GLS: variants seen among roughly 807,000 people sequenced by gnomAD.
GLS encodes the protein glutaminase kidney isoform, mitochondrial.
Under a neutral mutation model 86.7 loss-of-function variants are expected in GLS, and 36 were observed. The observed-to-expected ratio is 0.42, with a 90% CI of 0.32 to 0.55. The LOEUF (loss-of-function observed/expected upper bound fraction) is 0.55. GLS is among the 20% of genes least tolerant of loss of function. GLS has a pLI of 0.17. For synonymous variants in GLS, 317 were observed against 305.9 expected (o/e 1.04, Z -0.38); for missense variants, 528 against 833.4 (o/e 0.63, Z 4.51).
chr2:190,900,535 T>C (rs1200801162), intron 3 of GLS, 29 bp from the exon 4 acceptor site: 3 of 1,408,332 alleles, frequency 2.1e-6, no homozygotes, highest in Non-Finnish European at 2.9e-6. Flanking sequence ...ATGTACCCAG[T>C]TTATTAATTA....
chr2:190,905,225 C>T lies in GLS; in HGVS notation c.979+58C>T. The T allele has an allele frequency of 9.4e-7, 1 of 1,064,574 alleles. No homozygotes were observed. Among genetic ancestry groups the T allele is most frequent in the Non-Finnish European group, 1.4e-6 (1 of 722,608 alleles). 65.9% of individuals were successfully genotyped at this position (1,064,574 alleles called of 1,614,324 possible). ...AAATGTCTCATTTTCCTATGTAAAT[C>T]TAAGTCGTTTTAAACATTTTTTGAT... On this transcript the variant is annotated intron_variant, in intron 6 of 17. Coordinates refer to ENST00000320717, the MANE Select transcript of GLS (RefSeq NM_014905.5). This position sits in a 1 kb window ranked among gnomAD's most constrained non-coding sequence, Gnocchi z 4.6.
Position 190,963,227 on chromosome 2 carries a change from A to AAAG in GLS, c.*244_*246dup. The AAAG allele has an allele frequency of 3.0e-6, 1 of 337,730 alleles. No individual in the cohort carries two copies. The highest frequency in any genetic ancestry group is 5.3e-5 in the South Asian group (1 of 18,912). 20.9% of individuals were successfully genotyped at this position (337,730 alleles called of 1,614,324 possible). A position where few individuals can be genotyped will look rare whatever the true frequency, so the allele number is the denominator to read the frequency against. On this transcript the variant is annotated 3_prime_UTR_variant, in exon 18 of 18. Coordinates refer to ENST00000320717, the MANE Select transcript of GLS (RefSeq NM_014905.5). The stretch of plus-strand genomic sequence containing the variant: ...CTCGTGCATTGTATAATTTGATGTA[A>AAAG]AAGAAATAGTTACCAATGCTAGCTT...
In GLS at chr2:190,894,110, A is replaced by G. The variant is rs1574565249; in HGVS notation, c.387-1042A>G. Among the ~76,000 whole-genome samples the G allele has an allele frequency of 5.9e-5, 9 of 152,232 alleles. 1 individual carries two copies. In the South Asian group the frequency reaches 1.9e-3, roughly 32 times the overall value. On this transcript the variant is annotated intron_variant, in intron 1 of 17. Transcript: ENST00000320717. ...ACTTATTGGTAACGTTTTTCTTTTAATAGTCTTTATGATTTGTAGAATTTG... is the reference window on the plus strand; with the variant it reads ...ACTTATTGGTAACGTTTTTCTTTTAGTAGTCTTTATGATTTGTAGAATTTG...
intron 7 of GLS, among the ~76,000 whole-genome samples, chr2:190,911,297 A>G (rs1208382343): frequency 6.6e-6 from 1 of 152,078 alleles, no homozygotes; most frequent in Non-Finnish European, 1.5e-5. Context: ...CTTGTATACT[A>G]GAAAGCCTTT....
At chr2:190,894,108 T>G (rs1436970095) in intron 1 of GLS, among the ~76,000 whole-genome samples, 1 of 152,206 alleles carries the variant, frequency 6.6e-6, no homozygotes, top group Non-Finnish European at 1.5e-5. Context: ...GTTTTTCTTT[T>G]AATAGTCTTT....
Position 190,895,403 on chromosome 2 carries a change from T to G in GLS, c.483+155T>G. 2 of 549,260 alleles carry G rather than the reference T, an allele frequency of 3.6e-6. No individual in the cohort carries two copies. The highest frequency in any genetic ancestry group is 3.2e-6 in the Non-Finnish European group (1 of 313,086). The allele number at this position is 549,260 out of a possible 1,614,324, so 34.0% of individuals were successfully genotyped here. ...GTTTTCAAATTTTTGTCATGCTCAT[T>G]TCAAGGTAATCAGTGAAAGAAAAAG... On this transcript the variant is annotated intron_variant, in intron 2 of 17. Coordinates refer to ENST00000320717, the MANE Select transcript of GLS (RefSeq NM_014905.5). The surrounding 1 kb of genome is among the most constrained non-coding windows in gnomAD (Gnocchi z 4.2).
chr2:190,904,934 A>G (rs146824775), intron 5 of GLS, 70 bp from the exon 6 acceptor site: 2 of 883,194 alleles, frequency 2.3e-6, no homozygotes, highest in Non-Finnish European at 3.7e-6. Flanking sequence ...TGTAAAAAGA[A>G]TAATTCCAAC....
rs1574551139 is a variant in GLS, at chr2:190,881,593, C to CCGCA, written c.386+125_386+126insCACG. ...TCTAGAAAAGAGAAAGAAAGAGGTGCCGGGCGGCCTGCGCCGTCTGCGCCA... is the reference window on the plus strand; with the variant it reads ...TCTAGAAAAGAGAAAGAAAGAGGTGCCGCACGGGCGGCCTGCGCCGTCTGCGCCA... On this transcript the variant is annotated intron_variant, in intron 1 of 17. Coordinates refer to ENST00000320717, the MANE Select transcript of GLS (RefSeq NM_014905.5). 6.3e-6 allele frequency: 6 copies of CCGCA among 959,342 alleles called. No individual in the cohort carries two copies. In the East Asian group the frequency reaches 1.9e-4, roughly 31 times the overall value. 59.4% of individuals were successfully genotyped at this position (959,342 alleles called of 1,614,324 possible). A position where few individuals can be genotyped will look rare whatever the true frequency, so the allele number is the denominator to read the frequency against.
In GLS at chr2:190,881,344, G is replaced by A; in HGVS notation, c.260G>A (p.Ser87Asn). Residue 87 changes from serine to asparagine, a missense_variant, in exon 1 of 18, where the codon AGC becomes AAC. This residue lies in a region of GLS where 224 missense variants were observed against 187.9 expected (regional missense o/e 1.19). Transcript: ENST00000320717. ...SEILQELGKGSTHPQPGVSPP... is the reference protein window; with the variant it reads ...SEILQELGKGNTHPQPGVSPP... ...ATCTTGCAGGAGCTGGGCAAGGGGA[G>A]CACGCATCCGCAGCCCGGGGTGTCG... 5 of 1,536,192 alleles carry A rather than the reference G, an allele frequency of 3.3e-6. No individual in the cohort carries two copies. In the East Asian group the frequency reaches 1.0e-4, roughly 31 times the overall value.
At position 190,880,904 on chromosome 2, in the gene GLS, CA is replaced by C. The variant is rs1688121089; in HGVS notation, c.-180del. 2.1e-6 allele frequency: 2 copies of C among 934,632 alleles called. No homozygotes were observed. Among genetic ancestry groups the C allele is most frequent in the African/African-American group, 3.3e-5 (2 of 60,070 alleles). The allele number at this position is 934,632 out of a possible 1,614,324, so 57.9% of individuals were successfully genotyped here. A position where few individuals can be genotyped will look rare whatever the true frequency, so the allele number is the denominator to read the frequency against. ...GCAGCAGCAGCAGCAGCAGCAGCAG[CA>C]GCAGCAGCAGCAGCACCCGCATCCG... On this transcript the variant is annotated 5_prime_UTR_variant, in exon 1 of 18. Coordinates refer to ENST00000320717, the MANE Select transcript of GLS (RefSeq NM_014905.5).
At chr2:190,941,181 GT>G (rs148744409) in intron 14 of GLS, among the ~76,000 whole-genome samples, 13 of 152,118 alleles carry the variant, frequency 8.5e-5, no homozygotes, top group African/African-American at 3.1e-4. Context: ...TCCAACTTGT[GT>G]TTGCAATTAA....
In GLS at chr2:190,913,102, C is replaced by T. The variant is rs1689416738; in HGVS notation, c.1038+2781C>T. 2.6e-6 allele frequency: 3 copies of T among 1,132,248 alleles called. No homozygotes were observed. In the South Asian group the frequency reaches 3.9e-5, roughly 15 times the overall value. 70.1% of individuals were successfully genotyped at this position (1,132,248 alleles called of 1,614,324 possible). ...ATGGTGCCATTAAAATCATTTTCTT[C>T]ATGTTAATCCCCCCACCCCAAAATT... On this transcript the variant is annotated intron_variant, in intron 7 of 17. Transcript: ENST00000320717. The surrounding 1 kb of genome is among the most constrained non-coding windows in gnomAD (Gnocchi z 6.1).
rs985490652 is a variant in GLS at position 190,881,242 on chromosome 2, G to T, written c.158G>T (p.Arg53Leu). The T allele has an allele frequency of 1.8e-5, 23 of 1,251,838 alleles. No homozygotes were observed. The highest frequency in any genetic ancestry group is 4.3e-5 in the Admixed American group (1 of 23,452). The allele number at this position is 1,251,838 out of a possible 1,614,324, so 77.5% of individuals were successfully genotyped here. A position where few individuals can be genotyped will look rare whatever the true frequency, so the allele number is the denominator to read the frequency against. ...RPAAGPAAAA[R>L]LHPWWGGGGW... is the part of the protein sequence containing the mutation. Reference sequence around the variant, plus strand: ...GCCGCGGGCCCGGCTGCCGCCGCGCGACTCCACCCGTGGTGGGGCGGGGGC... The same window carrying T: ...GCCGCGGGCCCGGCTGCCGCCGCGCTACTCCACCCGTGGTGGGGCGGGGGC... The change falls in exon 1 of 18, where the codon CGA (arginine) becomes CTA (leucine). Residue 53 changes from arginine to leucine, a missense_variant. Transcript: ENST00000320717.
At chr2:190,908,075 T>A (rs1689223261) in intron 6 of GLS, among the ~76,000 whole-genome samples, 1 of 152,126 alleles carries the variant, frequency 6.6e-6, no homozygotes, top group Admixed American at 6.5e-5. Context: ...CCAACCATCC[T>A]CAATGGGCAC....
rs771508717 is a variant in GLS, at chr2:190,900,555, A to G, written c.606-9A>G. The G allele has an allele frequency of 2.6e-6, 4 of 1,522,342 alleles. No individual in the cohort carries two copies. In the South Asian group the frequency reaches 3.7e-5, roughly 14 times the overall value. The allele number at this position is 1,522,342 out of a possible 1,614,324, so 94.3% of individuals were successfully genotyped here. A position where few individuals can be genotyped will look rare whatever the true frequency, so the allele number is the denominator to read the frequency against. On this transcript the variant is annotated splice_polypyrimidine_tract_variant and intron_variant, in intron 3 of 17. Transcript: ENST00000320717. Reference sequence around the variant, plus strand: ...CCCAGTTTATTAATTATCTTTTTACATTCTACAGATGTGTTCAGAGCAACA... The same window carrying G: ...CCCAGTTTATTAATTATCTTTTTACGTTCTACAGATGTGTTCAGAGCAACA...
intron 7 of GLS, among the ~76,000 whole-genome samples, chr2:190,910,708 A>G (rs1011214606): frequency 2.0e-5 from 3 of 150,352 alleles, no homozygotes; most frequent in African/African-American, 4.9e-5. Flanking sequence ...TTTACTGTAT[A>G]TTTGTTATTA....
chr2:190,957,015 G>A (rs1347360349), intron 17 of GLS, among the ~76,000 whole-genome samples: 1 of 148,764 alleles, frequency 6.7e-6, no homozygotes, highest in East Asian at 1.9e-4. Context: ...CCGAGATGAT[G>A]GGGTTTTGTA....
In GLS at chr2:190,962,346, T is replaced by C. The variant is rs774455308; in HGVS notation, c.1854-484T>C. Among the ~76,000 whole-genome samples the C allele has an allele frequency of 6.6e-5, 10 of 152,176 alleles. No homozygotes were observed. Among genetic ancestry groups the C allele is most frequent in the Non-Finnish European group, 1.2e-4 (8 of 68,018 alleles). Reference sequence around the variant, plus strand: ...CTCCTCCAGTGTGTTTTAGCCCTAATGAGGTCATGGTTATTTCTAGACTTC... The same window carrying C: ...CTCCTCCAGTGTGTTTTAGCCCTAACGAGGTCATGGTTATTTCTAGACTTC... On this transcript the variant is annotated intron_variant, in intron 17 of 17. Transcript: ENST00000320717. This position sits in a 1 kb window ranked among gnomAD's most constrained non-coding sequence, Gnocchi z 4.2.
rs1452580623 is a variant in GLS, at chr2:190,920,989, AT to A, written c.1039-34del. The stretch of plus-strand genomic sequence containing the variant: ...TTGAAACTTAACTGTAGTGGTACCT[AT>A]ATTAACGTATTTATGTCTCTTATTT... On this transcript the variant is annotated intron_variant, in intron 7 of 17. Transcript: ENST00000320717. The surrounding 1 kb of genome is among the most constrained non-coding windows in gnomAD (Gnocchi z 4.2). 1 of 1,194,726 alleles carries A rather than the reference AT, an allele frequency of 8.4e-7. No individual in the cohort carries two copies. The highest frequency in any genetic ancestry group is 1.2e-6 in the Non-Finnish European group (1 of 801,238). 74.0% of individuals were successfully genotyped at this position (1,194,726 alleles called of 1,614,324 possible).
Sources: allele counts gnomAD v4.1 joint callset (sites outside exome capture counted in the v4.1 genomes callset), GRCh38; gene constraint gnomAD v4.1.1; regional missense constraint gnomAD v4.1.1; non-coding constraint Gnocchi (gnomAD v3.1); transcripts MANE v1.5; gene names NCBI Gene and HGNC (gene_info 2026-07-23, HGNC 2026-07-21).